The following CUX1 variants were observed in gnomAD, a reference collection of about 807,000 sequenced individuals.
CUX1 encodes the protein protein CASP.
Under a neutral mutation model 158.8 loss-of-function variants are expected in CUX1, and 31 were observed. The observed-to-expected ratio is 0.20, with a 90% CI of 0.15 to 0.26. The LOEUF is 0.26. CUX1 is among the 10% of genes least tolerant of loss of function. The pLI is 1.00. For missense variants in CUX1, 1,589 were observed against 2,014.6 expected (o/e 0.79, Z 4.04); for synonymous variants, 879 against 862.1 (o/e 1.02, Z -0.34).
At chr7:102,178,428 C>G in intron 10 of CUX1, 41 bp from the exon 11 acceptor site, 4 of 1,549,976 alleles carry the variant, frequency 2.6e-6, no homozygotes, top group Non-Finnish European at 3.5e-6. Flanking sequence ...GCACCCGCCT[C>G]AAGGCCAGCG....
chr7:101,842,326 G>T (rs1185735135), intron 1 of CUX1, among the ~76,000 whole-genome samples: 1 of 152,166 alleles, frequency 6.6e-6, no homozygotes, highest in Admixed American at 6.5e-5. Context: ...CATACAGTTT[G>T]TTTGGTATAT....
At position 101,898,596 on chromosome 7, in the gene CUX1, T is replaced by C. The variant is rs531912273; in HGVS notation, c.31-17519T>C. Among the ~76,000 whole-genome samples the C allele has an allele frequency of 4.9e-3, 723 of 147,322 alleles. 11 individuals are homozygous for C. The highest frequency in any genetic ancestry group is 0.017 in the African/African-American group (682 of 40,264). On this transcript the variant is annotated intron_variant, in intron 1 of 23. Coordinates refer to ENST00000292535, the MANE Select transcript of CUX1 (RefSeq NM_181552.4). ...TTCCATTTCTGTGTCTTTTTTTTTT[T>C]TTTTTTTTTTTTGAGACAGAGTCTT...
chr7:102,239,901 C>T (rs1193893539), intron 23 of CUX1, among the ~76,000 whole-genome samples: 2 of 152,144 alleles, frequency 1.3e-5, no homozygotes, highest in African/African-American at 4.8e-5. Flanking sequence ...CATGCACCAC[C>T]AAGCCCGGCT....
At chr7:101,865,885 T>G (rs1646476551) in intron 1 of CUX1, among the ~76,000 whole-genome samples, 1 of 152,172 alleles carries the variant, frequency 6.6e-6, no homozygotes, top group Non-Finnish European at 1.5e-5. Context: ...GCAGCACGTG[T>G]TTTTGAGAGA....
chr7:101,821,641 A>ATTTTCT, intron 1 of CUX1, among the ~76,000 whole-genome samples: 1 of 60,530 alleles, frequency 1.7e-5, no homozygotes, highest in African/African-American at 6.4e-5. Context: ...CCCGGCCCCT[A>ATTTTCT]TTTTCTTTTC....
At position 102,258,050 on chromosome 7, in the gene CUX1, G is replaced by A. The variant is rs782818053; in HGVS notation, c.*9008G>A. The A allele has an allele frequency of 1.8e-5, 18 of 985,074 alleles. No homozygotes were observed. The South Asian group carries it at 5.6e-4, about 31-fold the overall frequency. 61.0% of individuals were successfully genotyped at this position (985,074 alleles called of 1,614,324 possible). A position where few individuals can be genotyped will look rare whatever the true frequency, so the allele number is the denominator to read the frequency against. The stretch of plus-strand genomic sequence containing the variant: ...TGGCGTGGGGGTGGGGGAGGCACCC[G>A]TCGGCCCCTTGGTGTTGTCCCTCTG... On this transcript the variant is annotated 3_prime_UTR_variant, in exon 24 of 24. Transcript: ENST00000292535.
At position 102,253,442 on chromosome 7, in the gene CUX1, CG is replaced by C; in HGVS notation, c.*4403del. Reference sequence around the variant, plus strand: ...AGGAGTCCCCAGGTGAGCTCTCTGACGGGCAGGTGCCTTCCCGACTAAGGTT... The same window carrying C: ...AGGAGTCCCCAGGTGAGCTCTCTGACGGCAGGTGCCTTCCCGACTAAGGTT... On this transcript the variant is annotated 3_prime_UTR_variant, in exon 24 of 24. Transcript: ENST00000292535. 2 of 985,492 alleles carry C rather than the reference CG, an allele frequency of 2.0e-6. No homozygotes were observed. Among genetic ancestry groups the C allele is most frequent in the Non-Finnish European group, 2.4e-6 (2 of 829,956 alleles). The allele number at this position is 985,492 out of a possible 1,614,324, so 61.0% of individuals were successfully genotyped here.
chr7:102,243,760 G>T (rs1554535853), intron 23 of CUX1, among the ~76,000 whole-genome samples: 1 of 151,822 alleles, frequency 6.6e-6, no homozygotes, highest in African/African-American at 2.4e-5. Context: ...GGGCTTGGTG[G>T]TTCACGCCTA....
intron 21 of CUX1, among the ~76,000 whole-genome samples, chr7:102,228,335 G>A (rs1479662695): frequency 6.6e-6 from 1 of 152,088 alleles, no homozygotes; most frequent in Non-Finnish European, 1.5e-5. Context: ...ACCAGCCTGG[G>A]CCACATAGCA....
chr7:102,203,481 G>C (rs1795656494), intron 18 of CUX1, among the ~76,000 whole-genome samples: 1 of 152,212 alleles, frequency 6.6e-6, no homozygotes, highest in Non-Finnish European at 1.5e-5. Context: ...TTTGCAAAAG[G>C]TGAAGGGGGG....
At chr7:101,941,726 G>A (rs2129139788) in intron 2 of CUX1, among the ~76,000 whole-genome samples, 1 of 152,288 alleles carries the variant, frequency 6.6e-6, no homozygotes, top group Non-Finnish European at 1.5e-5. Context: ...CAGGAGCGAA[G>A]GCTTTATGAT....
chr7:102,260,178 C>T (rs1554543399), downstream of CUX1, among the ~76,000 whole-genome samples: 1 of 151,520 alleles, frequency 6.6e-6, no homozygotes, highest in Non-Finnish European at 1.5e-5. Context: ...TCTGTCACCA[C>T]CTCCTCCTCC....
chr7:101,981,060 T>C (rs969254792), intron 2 of CUX1, among the ~76,000 whole-genome samples: 1 of 152,122 alleles, frequency 6.6e-6, no homozygotes, highest in Non-Finnish European at 1.5e-5. Flanking sequence ...AAAAATGAAT[T>C]TGTGGACATC....
chr7:102,140,588 A>C (rs962739738), intron 8 of CUX1, among the ~76,000 whole-genome samples: 2 of 151,032 alleles, frequency 1.3e-5, no homozygotes, highest in Non-Finnish European at 3.0e-5. Context: ...GGCTGGGTGC[A>C]GTGACACACA....
intron 1 of CUX1, among the ~76,000 whole-genome samples, chr7:101,822,688 G>A (rs1792803196): frequency 6.6e-6 from 1 of 152,138 alleles, no homozygotes; most frequent in Non-Finnish European, 1.5e-5. Flanking sequence ...ATCACTTGAG[G>A]TCAGAAGTTC....
chr7:102,101,142 C>T (rs1554486218), intron 5 of CUX1, among the ~76,000 whole-genome samples: 1 of 152,178 alleles, frequency 6.6e-6, no homozygotes, highest in Non-Finnish European at 1.5e-5. Context: ...GGCCCCACTT[C>T]CAACACTGGA....
chr7:102,194,144 A>G (rs1213438108), intron 13 of CUX1: 3 of 539,460 alleles, frequency 5.6e-6, no homozygotes, highest in Non-Finnish European at 9.9e-6. Flanking sequence ...GGATTGCTTC[A>G]TCCCTGACTG....
intron 6 of CUX1, 55 bp downstream of exon 6, chr7:102,104,514 C>T (rs577065193): frequency 1.9e-6 from 3 of 1,590,192 alleles, no homozygotes; most frequent in South Asian, 2.3e-5. Flanking sequence ...CCCTGAACTT[C>T]ACATCATCAG....
chr7:101,834,198 G>T (rs1193856825), intron 1 of CUX1, among the ~76,000 whole-genome samples: 3 of 123,424 alleles, frequency 2.4e-5, no homozygotes, highest in Non-Finnish European at 4.9e-5. Flanking sequence ...TTTTGAGATG[G>T]AGTCTCCCTC....
Sources: allele counts gnomAD v4.1 joint callset (sites outside exome capture counted in the v4.1 genomes callset), GRCh38; gene constraint gnomAD v4.1.1; transcripts MANE v1.5; gene names NCBI Gene and HGNC (gene_info 2026-07-23, HGNC 2026-07-21).